CNTN1: variants seen among roughly 807,000 people sequenced by gnomAD.
The protein encoded by CNTN1 is contactin-1.
A neutral mutation model predicts 126.4 loss-of-function variants in CNTN1; 38 were observed. The ratio of observed to expected loss-of-function variants is 0.30; its 90% CI spans 0.23 to 0.39. The LOEUF is 0.39. Among genes scored for constraint, CNTN1 ranks in the 10% least tolerant of loss-of-function variants. The pLI, the probability that CNTN1 is intolerant of heterozygous loss-of-function variation, is 1.00. For synonymous variants in CNTN1, 413 were observed against 422.6 expected, an observed-to-expected ratio of 0.98 and a Z score of 0.28; for missense variants, 1,009 against 1,248.4, an observed-to-expected ratio of 0.81 and a Z score of 2.89.
At chr12:40,712,923 G>A (rs953324415) in intron 1 of CNTN1, among the ~76,000 whole-genome samples, 1 of 152,060 alleles carries the variant, frequency 6.6e-6, no homozygotes, top group Non-Finnish European at 1.5e-5. Context: ...TCATCCTGCA[G>A]GTAATCGGGG....
intron 1 of CNTN1, among the ~76,000 whole-genome samples, chr12:40,889,100 A>C (rs1197541253): frequency 6.6e-6 from 1 of 152,232 alleles, no homozygotes; most frequent in Non-Finnish European, 1.5e-5. Context: ...TATTCTCTGT[A>C]AGGGTTAAAC....
At chr12:41,047,417 T>G (rs1245205054) in intron 23 of CNTN1, among the ~76,000 whole-genome samples, 1 of 152,172 alleles carries the variant, frequency 6.6e-6, no homozygotes, top group Non-Finnish European at 1.5e-5. Context: ...CTGATGACAT[T>G]GCTCCTTCTG....
chr12:40,977,786 G>T lies in CNTN1; in HGVS notation c.1805-3123G>T, dbSNP rs140660042. The stretch of plus-strand genomic sequence containing the variant: ...CATCTGTTTTGTTTTGTTTTGTTTT[G>T]TTTTGTTTTGTTTTGTTTTGTTTTG... On this transcript the variant is annotated intron_variant, in intron 15 of 23. Coordinates refer to ENST00000551295, the MANE Select transcript of CNTN1 (RefSeq NM_001843.4). Among the ~76,000 whole-genome samples the T allele has an allele frequency of 5.3e-5, 3 of 56,524 alleles. No homozygotes were observed. The South Asian group carries it at 1.9e-3, about 36-fold the overall frequency. The allele number at this position is 56,524 out of a possible 152,430, so 37.1% of individuals were successfully genotyped here.
In CNTN1 at chr12:41,028,952, T is replaced by G. The variant is rs1172054431; in HGVS notation, c.2824-111T>G. 8 of 1,047,804 alleles carry G rather than the reference T, an allele frequency of 7.6e-6. No homozygotes were observed. The Admixed American group carries it at 7.8e-5, about 10-fold the overall frequency. 64.9% of individuals were successfully genotyped at this position (1,047,804 alleles called of 1,614,324 possible). ...TTTAGTTTTTCCTCTTGTTTTAAAT[T>G]TATTACTTTTTGTTAATCAAAGTAT... On this transcript the variant is annotated intron_variant, in intron 22 of 23. Transcript: ENST00000551295.
chr12:40,879,216 C>G (rs1218836859), intron 1 of CNTN1, among the ~76,000 whole-genome samples: 1 of 152,102 alleles, frequency 6.6e-6, no homozygotes, highest in African/African-American at 2.4e-5. Context: ...ATAAACAGCA[C>G]ACTTTACTGT....
intron 1 of CNTN1, among the ~76,000 whole-genome samples, chr12:40,854,134 A>G (rs1942816362): frequency 6.6e-6 from 1 of 151,610 alleles, no homozygotes; most frequent in Non-Finnish European, 1.5e-5. Flanking sequence ...AAGTAAATAG[A>G]CAGGCTGACA....
intron 1 of CNTN1, among the ~76,000 whole-genome samples, chr12:40,797,062 T>C (rs541551469): frequency 1.3e-5 from 2 of 152,196 alleles, no homozygotes; most frequent in South Asian, 2.1e-4. Flanking sequence ...TAAAATTATA[T>C]CTTGTGCCAC....
chr12:40,962,063 A>G (rs1037491407), intron 15 of CNTN1, among the ~76,000 whole-genome samples: 5 of 152,138 alleles, frequency 3.3e-5, no homozygotes, highest in African/African-American at 4.8e-5. Flanking sequence ...ATTTCATCTG[A>G]GGATCGCTAA....
At chr12:40,780,122 T>A (rs1454709085) in intron 1 of CNTN1, among the ~76,000 whole-genome samples, 2 of 151,962 alleles carry the variant, frequency 1.3e-5, no homozygotes, top group Admixed American at 6.6e-5. Context: ...AAAAGTGACC[T>A]GCTTTGGAGA....
intron 1 of CNTN1, among the ~76,000 whole-genome samples, chr12:40,728,140 T>A (rs1006575862): frequency 6.6e-6 from 1 of 152,208 alleles, no homozygotes; most frequent in Non-Finnish European, 1.5e-5. Flanking sequence ...ATGCTTTCAA[T>A]TAACATTAAT....
chr12:40,712,645 G>GA (rs1427574865), intron 1 of CNTN1, among the ~76,000 whole-genome samples: 1 of 151,894 alleles, frequency 6.6e-6, no homozygotes, highest in Non-Finnish European at 1.5e-5. Flanking sequence ...CTATGAGCAA[G>GA]AAAAAAATAA....
chr12:40,704,415 TC>T (rs1248835105), intron 1 of CNTN1, among the ~76,000 whole-genome samples: 1 of 152,180 alleles, frequency 6.6e-6, no homozygotes, highest in African/African-American at 2.4e-5. Context: ...CTGTTAGGTA[TC>T]TTATGAAAAC....
At chr12:40,831,458 A>C (rs563079827) in intron 1 of CNTN1, among the ~76,000 whole-genome samples, 2 of 152,090 alleles carry the variant, frequency 1.3e-5, no homozygotes, top group African/African-American at 4.8e-5. Context: ...TGCAAGTATG[A>C]ATCTACAACA....
At chr12:40,816,674 G>A (rs1159188446) in intron 1 of CNTN1, among the ~76,000 whole-genome samples, 1 of 150,802 alleles carries the variant, frequency 6.6e-6, no homozygotes, top group Non-Finnish European at 1.5e-5. Context: ...TTTATTTCTT[G>A]TCTTCTGGCA....
At chr12:40,889,619 A>G (rs1944170625) in intron 1 of CNTN1, among the ~76,000 whole-genome samples, 1 of 152,220 alleles carries the variant, frequency 6.6e-6, no homozygotes, top group African/African-American at 2.4e-5. Context: ...TTATTTAATC[A>G]TAAAATGTAA....
chr12:40,910,249 T>C, intron 3 of CNTN1, 144 bp downstream of exon 3: 1 of 626,994 alleles, frequency 1.6e-6, no homozygotes. Flanking sequence ...GTGGTCTTTC[T>C]GAGATTATAA....
intron 1 of CNTN1, among the ~76,000 whole-genome samples, chr12:40,807,971 A>G (rs1334971158): frequency 3.9e-5 from 6 of 152,172 alleles, no homozygotes; most frequent in Non-Finnish European, 7.4e-5. Context: ...TTTAACCACA[A>G]TGATTTTCCA....
At chr12:40,901,180 T>A (rs905030907) in intron 1 of CNTN1, among the ~76,000 whole-genome samples, 3 of 151,588 alleles carry the variant, frequency 2.0e-5, no homozygotes, top group African/African-American at 7.3e-5. Flanking sequence ...GCATAGCTAG[T>A]AATACAGCCA....
At chr12:40,921,251 A>G (rs1442567396) in intron 4 of CNTN1, among the ~76,000 whole-genome samples, 2 of 149,380 alleles carry the variant, frequency 1.3e-5, no homozygotes, top group Non-Finnish European at 3.0e-5. Context: ...ACTTTTGGGC[A>G]TGATTATTAC....
Sources: allele counts gnomAD v4.1 joint callset (sites outside exome capture counted in the v4.1 genomes callset), GRCh38; gene constraint gnomAD v4.1.1; transcripts MANE v1.5; gene names NCBI Gene and HGNC (gene_info 2026-07-23, HGNC 2026-07-21).